The following ANGPT1 variants were observed in gnomAD, a reference collection of about 807,000 sequenced individuals.
ANGPT1 encodes angiopoietin-1.
In ANGPT1, 17 loss-of-function variants were observed where a neutral mutation model predicts 62.2. The observed-to-expected ratio is 0.27, with a 90% CI of 0.19 to 0.41. The LOEUF is 0.41. Ranked by LOEUF, ANGPT1 falls within the 10% of genes least tolerant of loss-of-function variation. The pLI, the probability that ANGPT1 is intolerant of heterozygous loss-of-function variation, is 1.00. For missense variants in ANGPT1, 478 were observed against 594.9 expected, an observed-to-expected ratio of 0.80 and a Z score of 2.04; for synonymous variants, 199 against 198.9, an observed-to-expected ratio of 1.00 and a Z score of 0.00.
chr8:107,279,014 G>C (rs1037868376), intron 7 of ANGPT1, among the ~76,000 whole-genome samples: 1 of 152,154 alleles, frequency 6.6e-6, no homozygotes, highest in Non-Finnish European at 1.5e-5. Flanking sequence ...AGGTGGTAGA[G>C]CCAGATTTCT....
intron 1 of ANGPT1, among the ~76,000 whole-genome samples, chr8:107,485,832 G>A (rs1041744504): frequency 1.3e-5 from 2 of 152,188 alleles, no homozygotes; most frequent in African/African-American, 2.4e-5. Flanking sequence ...TAGAATAGGC[G>A]GCTTCGCCCC....
intron 1 of ANGPT1, among the ~76,000 whole-genome samples, chr8:107,486,822 A>G (rs942394825): frequency 5.9e-5 from 9 of 152,188 alleles, no homozygotes; most frequent in African/African-American, 2.2e-4. Context: ...AATAGTGGAC[A>G]CAAACAATGT....
At chr8:107,271,937 T>C (rs1813746545) in intron 7 of ANGPT1, among the ~76,000 whole-genome samples, 1 of 150,280 alleles carries the variant, frequency 6.7e-6, no homozygotes, top group Non-Finnish European at 1.5e-5. Flanking sequence ...CCTGGAAAAA[T>C]CATCCATGCC....
chr8:107,478,572 T>C (rs1812595245), intron 1 of ANGPT1, among the ~76,000 whole-genome samples: 1 of 152,062 alleles, frequency 6.6e-6, no homozygotes, highest in African/African-American at 2.4e-5. Flanking sequence ...AAATAAAGAT[T>C]GCTTTGATTA....
intron 1 of ANGPT1, among the ~76,000 whole-genome samples, chr8:107,409,213 T>C (rs1351550322): frequency 1.3e-5 from 2 of 152,226 alleles, no homozygotes; most frequent in Non-Finnish European, 2.9e-5. Context: ...GCTTTCCTTC[T>C]AACTGTTACT....
At chr8:107,448,646 C>T (rs1811681042) in intron 1 of ANGPT1, among the ~76,000 whole-genome samples, 1 of 152,064 alleles carries the variant, frequency 6.6e-6, no homozygotes, top group South Asian at 2.1e-4. Flanking sequence ...TGACCTTTGT[C>T]ATTTGGGTAA....
chr8:107,439,921 G>A (rs148900713), intron 1 of ANGPT1, among the ~76,000 whole-genome samples: 14 of 152,260 alleles, frequency 9.2e-5, no homozygotes, highest in East Asian at 1.9e-4. Flanking sequence ...CAGTAGACTC[G>A]GTATTAGTCT....
At chr8:107,431,950 A>G (rs771473444) in intron 1 of ANGPT1, among the ~76,000 whole-genome samples, 14 of 152,182 alleles carry the variant, frequency 9.2e-5, no homozygotes, top group Non-Finnish European at 2.1e-4. Context: ...AATCCATTAG[A>G]GTATTTGTAT....
intron 1 of ANGPT1, among the ~76,000 whole-genome samples, chr8:107,487,662 T>C (rs1003355007): frequency 1.3e-5 from 2 of 152,152 alleles, no homozygotes; most frequent in Non-Finnish European, 2.9e-5. Context: ...TTCAGTGTAT[T>C]TGGGAAAACG....
intron 5 of ANGPT1, among the ~76,000 whole-genome samples, chr8:107,297,708 C>G (rs1814450419): frequency 6.7e-6 from 1 of 150,184 alleles, no homozygotes; most frequent in Admixed American, 6.7e-5. Context: ...ATATTGGCAT[C>G]ACTAATCTTT....
chr8:107,456,377 G>A (rs1198045622), intron 1 of ANGPT1, among the ~76,000 whole-genome samples: 1 of 151,950 alleles, frequency 6.6e-6, no homozygotes, highest in African/African-American at 2.4e-5. Flanking sequence ...TGAGTAAAAA[G>A]CATCTCAAGT....
chr8:107,265,006 A>G (rs973391316), intron 7 of ANGPT1, among the ~76,000 whole-genome samples: 3 of 152,212 alleles, frequency 2.0e-5, no homozygotes, highest in Non-Finnish European at 4.4e-5. Context: ...CTTAAGATAT[A>G]TAAGAAAAGA....
chr8:107,455,002 T>C (rs767531832), intron 1 of ANGPT1, among the ~76,000 whole-genome samples: 2 of 152,050 alleles, frequency 1.3e-5, no homozygotes, highest in African/African-American at 2.4e-5. Flanking sequence ...TTGGCTTCTA[T>C]ATGTCTTCCT....
intron 1 of ANGPT1, among the ~76,000 whole-genome samples, chr8:107,435,574 G>A (rs1811313161): frequency 1.3e-5 from 2 of 152,154 alleles, no homozygotes; most frequent in African/African-American, 4.8e-5. Context: ...TGGGCACAGG[G>A]ATCTGGCAAG....
intron 7 of ANGPT1, among the ~76,000 whole-genome samples, chr8:107,282,804 G>A (rs1477070882): frequency 6.6e-6 from 1 of 151,712 alleles, no homozygotes; most frequent in Non-Finnish European, 1.5e-5. Flanking sequence ...TCACACAGAT[G>A]TCAAAGAAAT....
intron 1 of ANGPT1, among the ~76,000 whole-genome samples, chr8:107,418,688 A>G (rs2130373314): frequency 6.6e-6 from 1 of 152,324 alleles, no homozygotes. Context: ...TTTGTAAATG[A>G]CAAAGGAGTA....
Position 107,436,528 on chromosome 8 carries a change from A to G in ANGPT1, c.297+60734T>C, listed in dbSNP as rs369328194. ...ATGGAACGTTGTAATTTAGATCTGC[A>G]TTTCTTTCTCTTCTTTGCTACCAAT... On this transcript the variant is annotated intron_variant, in intron 1 of 8. Coordinates refer to ENST00000517746, the MANE Select transcript of ANGPT1 (RefSeq NM_001146.5). Among the ~76,000 whole-genome samples, 37 of 152,170 alleles carry G rather than the reference A, an allele frequency of 2.4e-4. No homozygotes were observed. In the East Asian group the frequency reaches 6.0e-3, roughly 25 times the overall value.
chr8:107,483,316 T>C (rs1029071766), intron 1 of ANGPT1, among the ~76,000 whole-genome samples: 2 of 152,154 alleles, frequency 1.3e-5, no homozygotes, highest in Admixed American at 6.5e-5. Flanking sequence ...GGAAGACTTC[T>C]TAGTTTCTCT....
At chr8:107,295,744 C>A (rs1814397210) in intron 5 of ANGPT1, among the ~76,000 whole-genome samples, 1 of 151,946 alleles carries the variant, frequency 6.6e-6, no homozygotes, top group South Asian at 2.1e-4. Flanking sequence ...CACAGATATC[C>A]AAAGAAAAAG....
Sources: gnomAD v4.1 joint callset for allele counts (sites outside exome capture counted in the v4.1 genomes callset) on GRCh38, gnomAD v4.1.1 for gene constraint, MANE v1.5 for transcripts, NCBI Gene and HGNC (gene_info 2026-07-23, HGNC 2026-07-21) for gene names.